WDR59: variants seen among roughly 807,000 people sequenced by gnomAD.
WDR59 encodes GATOR2 complex protein WDR59.
Under a neutral mutation model 131.2 loss-of-function variants are expected in WDR59, and 100 were observed. That is an observed-to-expected ratio of 0.76 (90% CI 0.65 to 0.90). The LOEUF (loss-of-function observed/expected upper bound fraction) is 0.90, where lower values mean the gene tolerates loss of function less well. Among genes scored for constraint, WDR59 ranks in the 40% least tolerant of loss-of-function variants. WDR59 has a pLI of 0.00. For missense variants in WDR59, 1,203 were observed against 1,262.2 expected (o/e 0.95, Z 0.71); for synonymous variants, 601 against 466.2 (o/e 1.29, Z -3.72).
chr16:74,985,089 T>C lies in WDR59; in HGVS notation c.-72A>G. 1 of 1,421,816 alleles carries C rather than the reference T, an allele frequency of 7.0e-7. No homozygotes were observed. The highest frequency in any genetic ancestry group is 9.7e-7 in the Non-Finnish European group (1 of 1,032,504). The allele number at this position is 1,421,816 out of a possible 1,614,324, so 88.1% of individuals were successfully genotyped here. On this transcript the variant is annotated 5_prime_UTR_variant, in exon 1 of 26. Coordinates refer to ENST00000262144, the MANE Select transcript of WDR59 (RefSeq NM_030581.4). ...CGCCGTCCCCAGTATCCCGGGACCG[T>C]GCGCCCCACACAGCCAGAGAATCAG...
intron 1 of WDR59, among the ~76,000 whole-genome samples, chr16:74,971,686 G>A (rs1268185344): frequency 6.6e-6 from 1 of 151,930 alleles, no homozygotes; most frequent in Non-Finnish European, 1.5e-5. Flanking sequence ...ACCTGCCTGG[G>A]CCTCCCAAAG....
At chr16:74,934,919 A>C (rs138850317) in intron 8 of WDR59, among the ~76,000 whole-genome samples, 1 of 151,968 alleles carries the variant, frequency 6.6e-6, no homozygotes, top group South Asian at 2.1e-4. Context: ...TCAAAGCTAC[A>C]TGTTTCTCAC....
chr16:74,936,364 A>C (rs1253085736), intron 8 of WDR59, among the ~76,000 whole-genome samples: 1 of 152,106 alleles, frequency 6.6e-6, no homozygotes, highest in African/African-American at 2.4e-5. Context: ...TCCTCCCAGG[A>C]AACTGGCTGT....
chr16:74,895,607 C>T (rs948658894), intron 18 of WDR59, among the ~76,000 whole-genome samples: 1 of 152,170 alleles, frequency 6.6e-6, no homozygotes, highest in African/African-American at 2.4e-5. Context: ...TACCATTTAT[C>T]CATACCCAAG....
intron 8 of WDR59, among the ~76,000 whole-genome samples, chr16:74,928,082 AT>A (rs1302948938): frequency 1.3e-5 from 2 of 150,214 alleles, no homozygotes; most frequent in Non-Finnish European, 3.0e-5. Flanking sequence ...TAATTTTTGT[AT>A]TTTTAGTAGA....
chr16:74,882,882 T>C (rs1273699006), intron 25 of WDR59, among the ~76,000 whole-genome samples: 3 of 147,240 alleles, frequency 2.0e-5, no homozygotes, highest in African/African-American at 7.5e-5. Flanking sequence ...AAACTATACC[T>C]ACACAACTTA....
Position 74,922,038 on chromosome 16 carries a change from CAGG to C in WDR59, c.792_794del (p.Leu265del). On this transcript the variant is annotated inframe_deletion, in exon 10 of 26. Transcript: ENST00000262144. ...GGGTGTTCAAGTCAAAGACATTCCA[CAGG>C]AGAAGGCTGTTTTCCCTCCGCAGCT... The C allele has an allele frequency of 6.2e-7, 1 of 1,614,194 alleles. No individual in the cohort carries two copies. Among genetic ancestry groups the C allele is most frequent in the Non-Finnish European group, 8.5e-7 (1 of 1,180,044 alleles).
At chr16:74,907,945 C>G (rs9936420) in intron 17 of WDR59, among the ~76,000 whole-genome samples, 1 of 152,214 alleles carries the variant, frequency 6.6e-6, no homozygotes, top group African/African-American at 2.4e-5. Context: ...GGGCCAAAAT[C>G]TGGATCTGGG....
chr16:74,909,759 G>A, intron 15 of WDR59, 63 bp downstream of exon 15: 4 of 1,583,316 alleles, frequency 2.5e-6, no homozygotes, highest in Admixed American at 1.9e-5. Context: ...CATGATTTTA[G>A]GGAGAAAGAA....
At chr16:74,915,845 A>G in intron 13 of WDR59, 25 bp downstream of exon 13, 1 of 1,614,150 alleles carries the variant, frequency 6.2e-7, no homozygotes, top group Non-Finnish European at 8.5e-7. Flanking sequence ...AGCAAACATG[A>G]GATACAGTTG....
At chr16:74,984,589 G>C (rs1432288488) in intron 1 of WDR59, 1 of 285,694 alleles carries the variant, frequency 3.5e-6, no homozygotes, top group East Asian at 7.1e-5. Context: ...ACTTAGAAAA[G>C]TCCCGCGACT....
At chr16:74,959,323 C>T in intron 2 of WDR59, 1 of 276,362 alleles carries the variant, frequency 3.6e-6, no homozygotes, top group South Asian at 3.0e-5. Context: ...GACATTTGGA[C>T]ATCCACTAAC....
chr16:74,912,192 C>G lies in WDR59; in HGVS notation c.1389+6G>C. On this transcript the variant is annotated splice_donor_region_variant and intron_variant, in intron 14 of 25. Transcript: ENST00000262144. Reference sequence around the variant, plus strand: ...GCAAGGAGAATTTGGGAACCCAGACCCCCACCTTCAGCAGCTTAGCTTTCA... The same window carrying G: ...GCAAGGAGAATTTGGGAACCCAGACGCCCACCTTCAGCAGCTTAGCTTTCA... The G allele has an allele frequency of 6.2e-7, 1 of 1,614,120 alleles. No homozygotes were observed. The highest frequency in any genetic ancestry group is 1.6e-4 in the Middle Eastern group (1 of 6,062).
chr16:74,964,934 C>T (rs1398054161), intron 2 of WDR59, among the ~76,000 whole-genome samples: 2 of 151,966 alleles, frequency 1.3e-5, no homozygotes, highest in African/African-American at 2.4e-5. Context: ...CGTGGTGGCA[C>T]GTGCCTATAA....
Position 74,889,226 on chromosome 16 carries a change from C to T in WDR59, c.2195+477G>A, listed in dbSNP as rs975979158. Among the ~76,000 whole-genome samples the T allele has an allele frequency of 6.6e-5, 10 of 152,306 alleles. 1 individual carries two copies. On this transcript the variant is annotated intron_variant, in intron 21 of 25. Coordinates refer to ENST00000262144, the MANE Select transcript of WDR59 (RefSeq NM_030581.4). The stretch of plus-strand genomic sequence containing the variant: ...GTGTTAAATTATTTTGTATAGTATA[C>T]CCTAGTTTTCCATATGTCAGTGCAA...
Position 74,887,775 on chromosome 16 carries a change from A to G in WDR59, c.2347-20T>C, listed in dbSNP as rs773914059. ...GCTAGGCTACAGAAGGGAAGAGAAG[A>G]ACCAACAGGACTAGCATGAGAATAC... On this transcript the variant is annotated intron_variant, in intron 22 of 25. Transcript: ENST00000262144. 3.1e-6 allele frequency: 5 copies of G among 1,608,232 alleles called. No homozygotes were observed. In the South Asian group the frequency reaches 5.5e-5, roughly 18 times the overall value.
At chr16:74,891,112 C>CAAAAAAAA (rs1220561474) in intron 20 of WDR59, among the ~76,000 whole-genome samples, 2 of 65,456 alleles carry the variant, frequency 3.1e-5, no homozygotes, top group Non-Finnish European at 6.3e-5. Context: ...GACTCTGTCT[C>CAAAAAAAA]AAAAAAAAAA....
At position 74,902,983 on chromosome 16, in the gene WDR59, A is replaced by G. The variant is rs553329329; in HGVS notation, c.1866+964T>C. Reference sequence around the variant, plus strand: ...TTTTGCTCAAGACTGGTCTGGTCTCAAACACCAGTTGCTGCCACTCATTTT... The same window carrying G: ...TTTTGCTCAAGACTGGTCTGGTCTCGAACACCAGTTGCTGCCACTCATTTT... On this transcript the variant is annotated intron_variant, in intron 18 of 25. Transcript: ENST00000262144. Among the ~76,000 whole-genome samples, 12 of 152,284 alleles carry G rather than the reference A, an allele frequency of 7.9e-5. No individual in the cohort carries two copies. In the East Asian group the frequency reaches 1.7e-3, roughly 22 times the overall value.
intron 6 of WDR59, among the ~76,000 whole-genome samples, chr16:74,945,782 T>TGA (rs373629002): frequency 8.0e-5 from 12 of 150,906 alleles, no homozygotes; most frequent in Admixed American, 1.3e-4. Flanking sequence ...GGAGACGTTC[T>TGA]GAGAGAGAGA....
Sources: allele counts gnomAD v4.1 joint callset (sites outside exome capture counted in the v4.1 genomes callset), GRCh38; gene constraint gnomAD v4.1.1; transcripts MANE v1.5; gene names NCBI Gene and HGNC (gene_info 2026-07-23, HGNC 2026-07-21).